TMEM191C: variants seen among roughly 807,000 people sequenced by gnomAD.
The protein encoded by TMEM191C is transmembrane protein 191C, also known as KB-1323B2.6.
TMEM191C carries 26 observed loss-of-function variants against 37.1 expected under a neutral mutation model. That is an observed-to-expected ratio of 0.70 (90% CI 0.51 to 0.97). The LOEUF (loss-of-function observed/expected upper bound fraction) is 0.97. Among genes scored for constraint, TMEM191C ranks in the 50% least tolerant of loss-of-function variants. TMEM191C has a pLI of 0.00. For synonymous variants in TMEM191C, 115 were observed against 143.7 expected (o/e 0.80, Z 1.43); for missense variants, 240 against 294.7 (o/e 0.81, Z 1.36).
chr22:21,467,592 G>C lies in TMEM191C; in HGVS notation c.133G>C (p.Asp45His). The C allele has an allele frequency of 1.3e-6, 2 of 1,530,350 alleles. No homozygotes were observed. The highest frequency in any genetic ancestry group is 8.7e-7 in the Non-Finnish European group (1 of 1,145,166). The allele number at this position is 1,530,350 out of a possible 1,614,324, so 94.8% of individuals were successfully genotyped here. ...CGAGAGCCTCAACCAGCGCCTGCAG[G>C]ACCTGAGCGAGCGGGAGCGGAGGTG... ...ESESLNQRLQ[D>H]LSERERSLLR... The change falls in exon 1 of 10, where the codon GAC becomes CAC. Residue 45 changes from aspartate (D) to histidine (H), a missense_variant. By Grantham distance (81) the Asp-to-His change is moderately conservative. This residue lies in a region of TMEM191C where 130 missense variants were observed against 105.7 expected (regional missense o/e 1.23). Transcript: ENST00000536718.
chr22:21,469,554 C>T lies in TMEM191C; in HGVS notation c.704+20C>T. On this transcript the variant is annotated intron_variant, in intron 9 of 9. Transcript: ENST00000536718. The stretch of plus-strand genomic sequence containing the variant: ...CATCAGGTGAGCCGGGCGGTGGGCG[C>T]GGCCGCGGTCCCCCAGGTGCCCGCC... 7.2e-7 allele frequency: 1 copy of T among 1,395,270 alleles called. No individual in the cohort carries two copies. The highest frequency in any genetic ancestry group is 9.2e-7 in the Non-Finnish European group (1 of 1,086,744). 86.4% of individuals were successfully genotyped at this position (1,395,270 alleles called of 1,614,324 possible). A position where few individuals can be genotyped will look rare whatever the true frequency, so the allele number is the denominator to read the frequency against.
In TMEM191C at chr22:21,469,796, G is replaced by A; in HGVS notation, c.884G>A (p.Arg295His). The change falls in exon 10 of 10, where the codon CGC becomes CAC. Residue 295 changes from arginine (R) to histidine (H), a missense_variant. Arg to His is a conservative substitution (Grantham distance 29). Transcript: ENST00000536718. The part of the protein sequence containing the change: ...RYTLSPLLEL[R>H]ANGLLPT ...ACGCTGTCCCCGCTGCTGGAGCTGC[G>A]CGCTAACGGGCTTCTGCCAACCTAA... The A allele has an allele frequency of 6.5e-7, 1 of 1,532,374 alleles. No homozygotes were observed. Among genetic ancestry groups the A allele is most frequent in the Non-Finnish European group, 8.7e-7 (1 of 1,146,302 alleles). 94.9% of individuals were successfully genotyped at this position (1,532,374 alleles called of 1,614,324 possible). A position where few individuals can be genotyped will look rare whatever the true frequency, so the allele number is the denominator to read the frequency against.
At position 21,467,596 on chromosome 22, in the gene TMEM191C, T is replaced by C; in HGVS notation, c.137T>C (p.Leu46Pro). 1.3e-6 allele frequency: 2 copies of C among 1,530,042 alleles called. No homozygotes were observed. Among genetic ancestry groups the C allele is most frequent in the Non-Finnish European group, 1.7e-6 (2 of 1,145,042 alleles). The allele number at this position is 1,530,042 out of a possible 1,614,324, so 94.8% of individuals were successfully genotyped here. A position where few individuals can be genotyped will look rare whatever the true frequency, so the allele number is the denominator to read the frequency against. Residue 46 changes from leucine to proline, a missense_variant, in exon 1 of 10, where the codon CTG (leucine) becomes CCG (proline). Leu to Pro is a moderately conservative substitution (Grantham distance 98). Around this residue, in one of 3 missense-constraint regions of TMEM191C, gnomAD observed 130 missense variants for 105.7 expected, o/e 1.23. Coordinates refer to ENST00000536718, the MANE Select transcript of TMEM191C (RefSeq NM_001388354.1). ...SESLNQRLQD[L>P]SERERSLLRR... ...AGCCTCAACCAGCGCCTGCAGGACC[T>C]GAGCGAGCGGGAGCGGAGGTGCGCG...
rs1230654956 is a variant in TMEM191C at position 21,468,207 on chromosome 22, G to T, written c.330+5G>T. On this transcript the variant is annotated splice_donor_5th_base_variant and intron_variant, in intron 3 of 9. Coordinates refer to ENST00000536718, the MANE Select transcript of TMEM191C (RefSeq NM_001388354.1). ...TGGGAGGAGCTGTCGAGTCAGGTAC[G>T]TGCAGGAGATGGGAGGGCCTGTCTC... The T allele has an allele frequency of 2.4e-5, 37 of 1,527,816 alleles. No individual in the cohort carries two copies. In the African/African-American group the frequency reaches 5.0e-4, roughly 21 times the overall value. The allele number at this position is 1,527,816 out of a possible 1,614,324, so 94.6% of individuals were successfully genotyped here.
chr22:21,469,750 A>G lies in TMEM191C; in HGVS notation c.838A>G (p.Thr280Ala). ...AWLWSLTSET[T>A]LRRLRYTLSP... ...GCTCTGGAGCCTCACCTCGGAGACG[A>G]CGCTGCGCCGCCTGCGCTACACGCT... is the stretch of plus-strand genomic sequence containing the variant. Residue 280 changes from threonine (T) to alanine (A), a missense_variant, in exon 10 of 10, where the codon ACG (threonine) becomes GCG (alanine). Thr to Ala is a moderately conservative substitution (Grantham distance 58). Coordinates refer to ENST00000536718, the MANE Select transcript of TMEM191C (RefSeq NM_001388354.1). 2 of 1,530,612 alleles carry G rather than the reference A, an allele frequency of 1.3e-6. No individual in the cohort carries two copies. Among genetic ancestry groups the G allele is most frequent in the East Asian group, 2.5e-5 (1 of 40,572 alleles). The allele number at this position is 1,530,612 out of a possible 1,614,324, so 94.8% of individuals were successfully genotyped here.
Position 21,469,897 on chromosome 22 carries a change from A to T in TMEM191C, c.*76A>T. On this transcript the variant is annotated 3_prime_UTR_variant, in exon 10 of 10. Coordinates refer to ENST00000536718, the MANE Select transcript of TMEM191C (RefSeq NM_001388354.1). ...ATTTCTGGTGCACTCCTCTCCTGAGAGTGTAGACCAAGGTTGCCTAATAAA... is the reference window on the plus strand; with the variant it reads ...ATTTCTGGTGCACTCCTCTCCTGAGTGTGTAGACCAAGGTTGCCTAATAAA... The T allele has an allele frequency of 5.6e-6, 8 of 1,433,890 alleles. No homozygotes were observed. The highest frequency in any genetic ancestry group is 2.6e-5 in the East Asian group (1 of 37,980). The allele number at this position is 1,433,890 out of a possible 1,614,324, so 88.8% of individuals were successfully genotyped here.
intron 8 of TMEM191C, 34 bp downstream of exon 8, chr22:21,469,380 T>G: frequency 7.7e-7 from 1 of 1,291,676 alleles, no homozygotes; most frequent in Non-Finnish European, 9.8e-7. Flanking sequence ...CGGGGTGGGC[T>G]GGAGCGGGAC....
intron 8 of TMEM191C, 29 bp downstream of exon 8, chr22:21,469,375 T>A (rs1347861904): frequency 7.2e-5 from 92 of 1,280,316 alleles, no homozygotes; most frequent in Non-Finnish European, 8.6e-5. Flanking sequence ...CCGGGCGGGG[T>A]GGGCTGGAGC....
chr22:21,468,221 A>C lies in TMEM191C; in HGVS notation c.330+19A>C. 1.3e-6 allele frequency: 2 copies of C among 1,529,316 alleles called. No homozygotes were observed. Among genetic ancestry groups the C allele is most frequent in the Non-Finnish European group, 1.7e-6 (2 of 1,145,084 alleles). 94.7% of individuals were successfully genotyped at this position (1,529,316 alleles called of 1,614,324 possible). A position where few individuals can be genotyped will look rare whatever the true frequency, so the allele number is the denominator to read the frequency against. ...GAGTCAGGTACGTGCAGGAGATGGG[A>C]GGGCCTGTCTCTTGGTTCCTCTCGG... On this transcript the variant is annotated intron_variant, in intron 3 of 9. Transcript: ENST00000536718.
At position 21,468,342 on chromosome 22, in the gene TMEM191C, C is replaced by T; in HGVS notation, c.331-12C>T. The T allele has an allele frequency of 6.5e-7, 1 of 1,535,488 alleles. No individual in the cohort carries two copies. The highest frequency in any genetic ancestry group is 8.7e-7 in the Non-Finnish European group (1 of 1,146,736). ...GCCCGGTAAACCCCGCCCTTACAAGCCCCGCCCCTAGCTCTTCTACTACGG... is the reference window on the plus strand; with the variant it reads ...GCCCGGTAAACCCCGCCCTTACAAGTCCCGCCCCTAGCTCTTCTACTACGG... On this transcript the variant is annotated splice_polypyrimidine_tract_variant and intron_variant, in intron 3 of 9. Coordinates refer to ENST00000536718, the MANE Select transcript of TMEM191C (RefSeq NM_001388354.1).
In TMEM191C at chr22:21,468,063, G is replaced by T. The variant is rs1308547706; in HGVS notation, c.279+46G>T. On this transcript the variant is annotated intron_variant, in intron 2 of 9. Transcript: ENST00000536718. ...GGGGCTGGACCCAGGGTGGGGTGGG[G>T]CAGGGCGGGCGGAAGGGGGCAGGAT... 3.7e-4 allele frequency: 415 copies of T among 1,133,508 alleles called. 2 individuals are homozygous for T. In the African/African-American group the frequency reaches 7.7e-3, roughly 21 times the overall value. 70.2% of individuals were successfully genotyped at this position (1,133,508 alleles called of 1,614,324 possible).
intron 3 of TMEM191C, 55 bp from the exon 4 acceptor site, chr22:21,468,299 A>G: frequency 6.5e-7 from 1 of 1,534,938 alleles, no homozygotes; most frequent in African/African-American, 1.4e-5. Flanking sequence ...GTCTCCCCTG[A>G]CACCCGTTCC....
rs1289618041 is a variant in TMEM191C, at chr22:21,469,822, G to A, written c.*1G>A. Reference sequence around the variant, plus strand: ...CGCTAACGGGCTTCTGCCAACCTAAGTGCAGCGCCCCGCGCCTGGCTCCAG... The same window carrying A: ...CGCTAACGGGCTTCTGCCAACCTAAATGCAGCGCCCCGCGCCTGGCTCCAG... On this transcript the variant is annotated 3_prime_UTR_variant, in exon 10 of 10. Coordinates refer to ENST00000536718, the MANE Select transcript of TMEM191C (RefSeq NM_001388354.1). 3 of 1,531,958 alleles carry A rather than the reference G, an allele frequency of 2.0e-6. No homozygotes were observed. The highest frequency in any genetic ancestry group is 2.6e-6 in the Non-Finnish European group (3 of 1,146,168). The allele number at this position is 1,531,958 out of a possible 1,614,324, so 94.9% of individuals were successfully genotyped here.
Position 21,469,860 on chromosome 22 carries a change from G to T in TMEM191C, c.*39G>T, listed in dbSNP as rs1234724489. On this transcript the variant is annotated 3_prime_UTR_variant, in exon 10 of 10. Transcript: ENST00000536718. ...CGCCTGGCTCCAGGTGGACTCCAGGGCACCTGGCTTTATTTCTGGTGCACT... is the reference window on the plus strand; with the variant it reads ...CGCCTGGCTCCAGGTGGACTCCAGGTCACCTGGCTTTATTTCTGGTGCACT... The T allele has an allele frequency of 2.6e-6, 4 of 1,516,374 alleles. No individual in the cohort carries two copies. The highest frequency in any genetic ancestry group is 3.5e-6 in the Non-Finnish European group (4 of 1,140,566). 93.9% of individuals were successfully genotyped at this position (1,516,374 alleles called of 1,614,324 possible). A position where few individuals can be genotyped will look rare whatever the true frequency, so the allele number is the denominator to read the frequency against.
At position 21,469,285 on chromosome 22, in the gene TMEM191C, A is replaced by G. The variant is rs1194734842; in HGVS notation, c.602A>G (p.Gln201Arg). 6.9e-7 allele frequency: 1 copy of G among 1,445,206 alleles called. No individual in the cohort carries two copies. The highest frequency in any genetic ancestry group is 2.5e-5 in the East Asian group (1 of 39,460). 89.5% of individuals were successfully genotyped at this position (1,445,206 alleles called of 1,614,324 possible). The change falls in exon 8 of 10, where the codon CAG becomes CGG. Residue 201 changes from glutamine (Q) to arginine (R), a missense_variant. Around this residue, in one of 3 missense-constraint regions of TMEM191C, gnomAD observed 34 missense variants for 89.0 expected, o/e 0.38. Transcript: ENST00000536718. The part of the protein sequence containing the change: ...WQSGRELCDG[Q>R]LRGVQYSTES... ...GCCTGTCCCCGCAGGTGTGACGGGC[A>G]GCTTCGCGGAGTGCAGTACAGCACC...
rs1361441847 is a variant in TMEM191C, at chr22:21,467,848, G to A, written c.156-46G>A. Reference sequence around the variant, plus strand: ...CTTCCTGGCGACTGCGGGATCCTGAGCGACCCAGTCCGCCTTGTAGCGCCA... The same window carrying A: ...CTTCCTGGCGACTGCGGGATCCTGAACGACCCAGTCCGCCTTGTAGCGCCA... On this transcript the variant is annotated intron_variant, in intron 1 of 9. Transcript: ENST00000536718. 11 of 531,992 alleles carry A rather than the reference G, an allele frequency of 2.1e-5. No individual in the cohort carries two copies. The Admixed American group carries it at 3.0e-4, about 14-fold the overall frequency. The allele number at this position is 531,992 out of a possible 1,614,324, so 33.0% of individuals were successfully genotyped here. A position where few individuals can be genotyped will look rare whatever the true frequency, so the allele number is the denominator to read the frequency against.
Position 21,468,383 on chromosome 22 carries a change from C to G in TMEM191C, c.360C>G (p.Ser120Arg). Residue 120 changes from serine (S) to arginine (R), a missense_variant, in exon 4 of 10, where the codon AGC (serine) becomes AGG (arginine). This residue lies in a region of TMEM191C where 130 missense variants were observed against 105.7 expected (regional missense o/e 1.23). Coordinates refer to ENST00000536718, the MANE Select transcript of TMEM191C (RefSeq NM_001388354.1). ...QLFYYGGELQSQKSTEQQLAA... is the reference protein window; with the variant it reads ...QLFYYGGELQRQKSTEQQLAA... The stretch of plus-strand genomic sequence containing the variant: ...TCTACTACGGAGGGGAACTGCAGAG[C>G]CAGAAGAGCACGGAGCAGCAACTCG... 1 of 1,534,860 alleles carries G rather than the reference C, an allele frequency of 6.5e-7. No homozygotes were observed. The highest frequency in any genetic ancestry group is 8.7e-7 in the Non-Finnish European group (1 of 1,146,628).
In TMEM191C at chr22:21,468,389, G is replaced by T; in HGVS notation, c.366G>T (p.Lys122Asn). Residue 122 changes from lysine (K) to asparagine (N), a missense_variant, in exon 4 of 10, where the codon AAG (lysine) becomes AAT (asparagine). Coordinates refer to ENST00000536718, the MANE Select transcript of TMEM191C (RefSeq NM_001388354.1). ...ACGGAGGGGAACTGCAGAGCCAGAA[G>T]AGCACGGAGCAGCAACTCGCAGCCC... ...FYYGGELQSQKSTEQQLAAQL... is the reference protein window; with the variant it reads ...FYYGGELQSQNSTEQQLAAQL... The T allele has an allele frequency of 1.3e-6, 2 of 1,534,628 alleles. No individual in the cohort carries two copies. Among genetic ancestry groups the T allele is most frequent in the South Asian group, 1.2e-5 (1 of 83,982 alleles).
chr22:21,469,618 C>T lies in TMEM191C; in HGVS notation c.706C>T (p.Arg236Trp). 1 of 1,479,866 alleles carries T rather than the reference C, an allele frequency of 6.8e-7. No individual in the cohort carries two copies. The highest frequency in any genetic ancestry group is 8.9e-7 in the Non-Finnish European group (1 of 1,124,382). 91.7% of individuals were successfully genotyped at this position (1,479,866 alleles called of 1,614,324 possible). Reference sequence around the variant, plus strand: ...ACCTGCCCGCCTTTCGCCCCGCAGGCGGTGCGTGCTGGGCGCGCTGCAGGT... The same window carrying T: ...ACCTGCCCGCCTTTCGCCCCGCAGGTGGTGCGTGCTGGGCGCGCTGCAGGT... ...FGGPRALAIR[R>W]CVLGALQVLL... The change falls in exon 10 of 10, where the codon CGG becomes TGG. Residue 236 changes from arginine to tryptophan, a missense_variant and splice_region_variant. Physicochemically the swap from Arg to Trp is moderately radical, Grantham distance 101. Coordinates refer to ENST00000536718, the MANE Select transcript of TMEM191C (RefSeq NM_001388354.1).
Sources: allele counts gnomAD v4.1 joint callset, GRCh38; gene constraint gnomAD v4.1.1; regional missense constraint gnomAD v4.1.1; transcripts MANE v1.5; gene names NCBI Gene and HGNC (gene_info 2026-07-23, HGNC 2026-07-21).